Variants in RBMS3 observed in about 807,000 individuals in gnomAD.
RBMS3 encodes RNA binding motif single stranded interacting protein 3, also known as RNA-binding motif, single-stranded-interacting protein 3.
Under a neutral mutation model 66.8 loss-of-function variants are expected in RBMS3, and 27 were observed. The ratio of observed to expected loss-of-function variants is 0.40; its 90% CI spans 0.30 to 0.56. The LOEUF (loss-of-function observed/expected upper bound fraction) is 0.56. Among genes scored for constraint, RBMS3 ranks in the 20% least tolerant of loss-of-function variants. RBMS3 has a pLI of 0.40. For synonymous variants in RBMS3, 188 were observed against 183.0 expected (o/e 1.03, Z -0.22); for missense variants, 513 against 549.5 (o/e 0.93, Z 0.66).
chr3:29,542,035 C>A (rs1388604044), intron 3 of RBMS3, among the ~76,000 whole-genome samples: 1 of 152,146 alleles, frequency 6.6e-6, no homozygotes, highest in Admixed American at 6.5e-5. Context: ...ATATGTTTAG[C>A]ATATCCCCAT....
chr3:29,988,319 T>G, intron 13 of RBMS3, 96 bp downstream of exon 13: 1 of 963,550 alleles, frequency 1.0e-6, no homozygotes, highest in South Asian at 1.4e-5. Context: ...TCACTTGCAA[T>G]TTTTGTGCTA....
At chr3:29,327,423 C>T (rs1057028604) in intron 1 of RBMS3, among the ~76,000 whole-genome samples, 8 of 152,142 alleles carry the variant, frequency 5.3e-5, no homozygotes, top group African/African-American at 1.7e-4. Flanking sequence ...ACAGAGTGTT[C>T]TCCAAAAAAT....
intron 1 of RBMS3, among the ~76,000 whole-genome samples, chr3:29,353,005 A>G (rs78262599): frequency 0.018 from 2,722 of 151,614 alleles, 85 homozygotes; most frequent in African/African-American, 0.062. Context: ...AAATTGGTTC[A>G]TGCCTTCATT....
At chr3:29,403,621 T>C (rs975181027) in intron 1 of RBMS3, among the ~76,000 whole-genome samples, 2 of 151,982 alleles carry the variant, frequency 1.3e-5, no homozygotes, top group Non-Finnish European at 2.9e-5. Flanking sequence ...TGTTGAACTG[T>C]CGGAATCACT....
intron 6 of RBMS3, among the ~76,000 whole-genome samples, chr3:29,813,990 T>G (rs1395750218): frequency 6.6e-6 from 1 of 151,946 alleles, no homozygotes; most frequent in Non-Finnish European, 1.5e-5. Context: ...CCTGCCTAAT[T>G]GCCCTGGCCA....
At chr3:29,710,511 AG>A (rs1345655673) in intron 4 of RBMS3, among the ~76,000 whole-genome samples, 8 of 152,182 alleles carry the variant, frequency 5.3e-5, no homozygotes, top group Non-Finnish European at 1.0e-4. Flanking sequence ...ACACAGTCGC[AG>A]GCACAGCATT....
At chr3:29,617,679 A>G (rs1402953606) in intron 4 of RBMS3, among the ~76,000 whole-genome samples, 1 of 152,108 alleles carries the variant, frequency 6.6e-6, no homozygotes, top group Admixed American at 6.5e-5. Flanking sequence ...TAAAGATAAG[A>G]TTTGGGTTTT....
chr3:29,791,639 C>T (rs1046162180), intron 6 of RBMS3, among the ~76,000 whole-genome samples: 2 of 152,106 alleles, frequency 1.3e-5, no homozygotes, highest in Non-Finnish European at 2.9e-5. Flanking sequence ...GTGGTTGAAC[C>T]GATCATTAAG....
intron 1 of RBMS3, among the ~76,000 whole-genome samples, chr3:29,321,152 A>G (rs1203452587): frequency 2.0e-5 from 3 of 152,084 alleles, no homozygotes; most frequent in Non-Finnish European, 2.9e-5. Flanking sequence ...TAACCTATAC[A>G]TAATTACCTT....
chr3:29,897,062 G>A (rs2060138567), intron 8 of RBMS3, among the ~76,000 whole-genome samples: 1 of 151,436 alleles, frequency 6.6e-6, no homozygotes, highest in South Asian at 2.1e-4. Flanking sequence ...CTTTCATTTT[G>A]TCTTTCTTTC....
intron 3 of RBMS3, among the ~76,000 whole-genome samples, chr3:29,493,328 C>A (rs1238578619): frequency 6.6e-6 from 1 of 152,132 alleles, no homozygotes; most frequent in African/African-American, 2.4e-5. Context: ...ATCCAGGCTG[C>A]CTGGGTTGAA....
chr3:29,999,772 T>G (rs1228883423), intron 14 of RBMS3, among the ~76,000 whole-genome samples: 12 of 142,252 alleles, frequency 8.4e-5, no homozygotes, highest in African/African-American at 1.3e-4. Flanking sequence ...GTGGGGGGAG[T>G]GGGGAGGGAT....
At chr3:29,998,304 T>C (rs1350508500) in intron 14 of RBMS3, among the ~76,000 whole-genome samples, 2 of 152,090 alleles carry the variant, frequency 1.3e-5, no homozygotes, top group African/African-American at 2.4e-5. Context: ...TGCTCATGGG[T>C]AGGAAGAATC....
intron 4 of RBMS3, among the ~76,000 whole-genome samples, chr3:29,721,265 A>G (rs2053632156): frequency 6.6e-6 from 1 of 152,006 alleles, no homozygotes; most frequent in South Asian, 2.1e-4. Context: ...ACATGTAAGG[A>G]CTCTTTAATG....
rs114250803 is a variant in RBMS3, at chr3:29,582,059, C to T, written c.308-5055C>T. Among the ~76,000 whole-genome samples, 479 of 152,166 alleles carry T rather than the reference C, an allele frequency of 3.1e-3. 2 individuals are homozygous for T. Among genetic ancestry groups the T allele is most frequent in the African/African-American group, 0.011 (464 of 41,518 alleles). The stretch of plus-strand genomic sequence containing the variant: ...GTCACGCAGTGGTTCAACTGAATGG[C>T]AAAGGTCTCAGGGAAGATGTTGCCA... On this transcript the variant is annotated intron_variant, in intron 3 of 14. Transcript: ENST00000383767.
intron 1 of RBMS3, among the ~76,000 whole-genome samples, chr3:29,419,236 G>A (rs1457042865): frequency 6.6e-6 from 1 of 152,090 alleles, no homozygotes; most frequent in South Asian, 2.1e-4. Context: ...GCTGTGCTGT[G>A]TGCTGAGAAC....
intron 1 of RBMS3, among the ~76,000 whole-genome samples, chr3:29,408,321 G>A (rs2040117690): frequency 6.8e-6 from 1 of 147,460 alleles, no homozygotes; most frequent in African/African-American, 2.5e-5. Context: ...TAAATAAAAT[G>A]TTTCTGTTTA....
At chr3:29,727,733 A>G (rs947023123) in intron 4 of RBMS3, among the ~76,000 whole-genome samples, 1 of 152,258 alleles carries the variant, frequency 6.6e-6, no homozygotes, top group Non-Finnish European at 1.5e-5. Context: ...CTGTGGAAAA[A>G]TAGGAATGCT....
At chr3:29,674,623 C>G (rs945456723) in intron 4 of RBMS3, among the ~76,000 whole-genome samples, 5 of 149,730 alleles carry the variant, frequency 3.3e-5, no homozygotes, top group African/African-American at 4.9e-5. Context: ...GACAGAGAGC[C>G]AAATCATGAG....
Sources: allele counts gnomAD v4.1 joint callset (sites outside exome capture counted in the v4.1 genomes callset), GRCh38; gene constraint gnomAD v4.1.1; transcripts MANE v1.5; gene names NCBI Gene and HGNC (gene_info 2026-07-23, HGNC 2026-07-21).